Variants in CARNMT1 observed in about 807,000 individuals in gnomAD.
CARNMT1 encodes the protein carnosine N-methyltransferase 1.
In CARNMT1, 28 loss-of-function variants were observed where a neutral mutation model predicts 49.6. The ratio of observed to expected loss-of-function variants is 0.56; its 90% confidence interval spans 0.42 to 0.77. The LOEUF (loss-of-function observed/expected upper bound fraction) is 0.77, where lower values mean the gene tolerates loss of function less well. CARNMT1 is among the 30% of genes least tolerant of loss of function. CARNMT1 has a pLI of 0.00. For synonymous variants in CARNMT1, 178 were observed against 175.0 expected, an observed-to-expected ratio of 1.02 and a Z score of -0.13; for missense variants, 421 against 512.6, an observed-to-expected ratio of 0.82 and a Z score of 1.73.
intron 2 of CARNMT1, 163 bp downstream of exon 2, chr9:75,017,090 T>C (rs901794723): frequency 5.1e-6 from 3 of 586,932 alleles, no homozygotes; most frequent in Non-Finnish European, 8.9e-6. Flanking sequence ...ATCCAGTCTC[T>C]GGCTATTAAG....
intron 1 of CARNMT1, among the ~76,000 whole-genome samples, chr9:75,026,255 T>C (rs537107011): frequency 7.5e-4 from 115 of 152,320 alleles, no homozygotes; most frequent in African/African-American, 2.7e-3. Context: ...ATCTCTTCTC[T>C]ATATTGCCAC....
At chr9:75,023,455 T>C (rs1400731734) in intron 1 of CARNMT1, among the ~76,000 whole-genome samples, 1 of 152,114 alleles carries the variant, frequency 6.6e-6, no homozygotes, top group Non-Finnish European at 1.5e-5. Context: ...TTGAGATAAG[T>C]TATAGATTGG....
intron 1 of CARNMT1, 89 bp downstream of exon 1, chr9:75,027,923 G>C (rs1822578413): frequency 7.3e-7 from 1 of 1,369,542 alleles, no homozygotes; most frequent in Non-Finnish European, 9.5e-7. Context: ...GCGTGGCGGC[G>C]GGACGGCGAG....
intron 6 of CARNMT1, among the ~76,000 whole-genome samples, chr9:74,993,822 C>T (rs1420172015): frequency 6.6e-6 from 1 of 152,096 alleles, no homozygotes; most frequent in Non-Finnish European, 1.5e-5. Flanking sequence ...AATGTCAAAA[C>T]CACAATCGAG....
intron 1 of CARNMT1, chr9:75,027,557 G>T: frequency 1.3e-6 from 1 of 777,922 alleles, no homozygotes; most frequent in Non-Finnish European, 1.6e-6. Context: ...AACAGTTTGG[G>T]AAAATACGTC....
chr9:74,989,996 G>A (rs1030716347), intron 6 of CARNMT1, among the ~76,000 whole-genome samples: 1 of 152,194 alleles, frequency 6.6e-6, no homozygotes, highest in African/African-American at 2.4e-5. Context: ...ATATATGAAA[G>A]CTACCATGAG....
At chr9:75,021,996 C>T (rs11144194) in intron 1 of CARNMT1, among the ~76,000 whole-genome samples, 58,142 of 151,598 alleles carry the variant, frequency 0.38, 11,828 homozygotes, top group Non-Finnish European at 0.45. Flanking sequence ...AAGCTGAATA[C>T]TGACAAATTA....
chr9:75,027,839 G>C (rs1439467058), intron 1 of CARNMT1, among the ~76,000 whole-genome samples, 173 bp downstream of exon 1: 2 of 152,188 alleles, frequency 1.3e-5, no homozygotes, highest in Admixed American at 1.3e-4. Context: ...GCAGGGCCGG[G>C]AGGGGCTGGG....
chr9:74,982,950 A>G lies in CARNMT1; in HGVS notation c.*817T>C, dbSNP rs1296037637. 6.6e-6 allele frequency: 1 copy of G among 152,182 alleles called. No homozygotes were observed. Among genetic ancestry groups the G allele is most frequent in the African/African-American group, 2.4e-5 (1 of 41,442 alleles). 9.4% of individuals were successfully genotyped at this position (152,182 alleles called of 1,614,324 possible). The stretch of plus-strand genomic sequence containing the variant: ...TTTATTGTGGCCAAAAGACTTTGAT[A>G]TTTCTGTTACTTGAATATATTTTAC... On this transcript the variant is annotated 3_prime_UTR_variant, in exon 8 of 8. Coordinates refer to ENST00000376834, the MANE Select transcript of CARNMT1 (RefSeq NM_152420.3).
intron 3 of CARNMT1, among the ~76,000 whole-genome samples, chr9:75,010,569 C>T (rs1017062796): frequency 4.0e-5 from 6 of 151,856 alleles, no homozygotes; most frequent in African/African-American, 1.5e-4. Context: ...ACCTAAGAGA[C>T]GACATGAAAT....
intron 1 of CARNMT1, among the ~76,000 whole-genome samples, chr9:75,020,034 T>C (rs1054335868): frequency 1.3e-5 from 2 of 152,186 alleles, no homozygotes; most frequent in African/African-American, 4.8e-5. Context: ...GGACTGAGCA[T>C]ATGTGGAAAA....
At chr9:74,994,976 C>T (rs1392960551) in intron 6 of CARNMT1, among the ~76,000 whole-genome samples, 1 of 151,962 alleles carries the variant, frequency 6.6e-6, no homozygotes, top group Non-Finnish European at 1.5e-5. Flanking sequence ...AAACAGTATA[C>T]TTATCAGGAG....
Position 75,016,262 on chromosome 9 carries a change from A to T in CARNMT1, c.590+6T>A. 6.2e-7 allele frequency: 1 copy of T among 1,607,134 alleles called. No homozygotes were observed. The highest frequency in any genetic ancestry group is 8.5e-7 in the Non-Finnish European group (1 of 1,175,010). Reference sequence around the variant, plus strand: ...AAAACTTGGTTAAAAATGAGGTACTATTTACCATCTCTCTTTTGGAAAATT... The same window carrying T: ...AAAACTTGGTTAAAAATGAGGTACTTTTTACCATCTCTCTTTTGGAAAATT... On this transcript the variant is annotated splice_donor_region_variant and intron_variant, in intron 3 of 7. Coordinates refer to ENST00000376834, the MANE Select transcript of CARNMT1 (RefSeq NM_152420.3).
chr9:75,017,685 AC>A (rs1412492775), intron 1 of CARNMT1, among the ~76,000 whole-genome samples: 1 of 152,246 alleles, frequency 6.6e-6, no homozygotes, highest in Non-Finnish European at 1.5e-5. Flanking sequence ...GTAAAAGTAA[AC>A]ATATGCACCA....
At chr9:74,999,619 T>TAA in intron 4 of CARNMT1, 111 bp downstream of exon 4, 1 of 871,730 alleles carries the variant, frequency 1.1e-6, no homozygotes, top group Non-Finnish European at 1.7e-6. Flanking sequence ...GTGATATATA[T>TAA]AATAATCAAA....
intron 3 of CARNMT1, among the ~76,000 whole-genome samples, chr9:75,007,728 C>CAAAAAAAAAAAAAAAAAAAAAAA: frequency 1.3e-5 from 1 of 79,994 alleles, no homozygotes; most frequent in Non-Finnish European, 2.6e-5. Flanking sequence ...GACCCTGTCT[C>CAAAAAAAAAAAAAAAAAAAAAAA]AAAAAAATAA....
At chr9:75,012,507 G>A (rs191496824) in intron 3 of CARNMT1, among the ~76,000 whole-genome samples, 38 of 152,044 alleles carry the variant, frequency 2.5e-4, no homozygotes, top group African/African-American at 7.5e-4. Flanking sequence ...GGCTGATCTC[G>A]AACTCTTGAC....
At chr9:75,009,806 A>T (rs1299222853) in intron 3 of CARNMT1, 1 of 152,210 alleles carries the variant, frequency 6.6e-6, no homozygotes, top group Non-Finnish European at 1.5e-5. Flanking sequence ...CAATAAAAAA[A>T]ATTAAGAAAC....
At chr9:74,989,909 C>T (rs1343556013) in intron 6 of CARNMT1, among the ~76,000 whole-genome samples, 1 of 152,112 alleles carries the variant, frequency 6.6e-6, no homozygotes, top group Non-Finnish European at 1.5e-5. Context: ...TCAGTATTTT[C>T]AAATAAAAGA....
Sources: allele counts gnomAD v4.1 joint callset (sites outside exome capture counted in the v4.1 genomes callset), GRCh38; gene constraint gnomAD v4.1.1; transcripts MANE v1.5; gene names NCBI Gene and HGNC (gene_info 2026-07-23, HGNC 2026-07-21).